Variants in GSDME observed in about 807,000 individuals in gnomAD.
The protein encoded by GSDME is gasdermin E, also known as gasdermin-E.
Under a neutral mutation model 47.5 loss-of-function variants are expected in GSDME, and 44 were observed. The ratio of observed to expected loss-of-function variants is 0.93; its 90% CI spans 0.73 to 1.19. GSDME has a LOEUF of 1.19. Among genes scored for constraint, GSDME ranks in the 50% most tolerant of loss-of-function variants. The probability of loss-of-function intolerance (pLI) is 0.00; values close to 1 mark genes in which losing one functional copy is unlikely to be tolerated. For synonymous variants in GSDME, 258 were observed against 252.8 expected, an observed-to-expected ratio of 1.02 and a Z score of -0.20; for missense variants, 663 against 604.2, an observed-to-expected ratio of 1.10 and a Z score of -1.02.
chr7:24,795,398 G>T, the GSDME span, among the ~76,000 whole-genome samples: 1 of 152,148 alleles, frequency 6.6e-6, no homozygotes, highest in African/African-American at 2.4e-5. Flanking sequence ...CCGAGTTGAG[G>T]AAGGAAAGGG....
the GSDME span, among the ~76,000 whole-genome samples, chr7:24,794,466 G>C: frequency 1.3e-5 from 2 of 152,222 alleles, no homozygotes; most frequent in African/African-American, 4.8e-5. Flanking sequence ...TACTACTGCT[G>C]CCTGTCTTCT....
At chr7:24,713,250 G>T (rs780168035) in intron 5 of GSDME, among the ~76,000 whole-genome samples, 2 of 152,052 alleles carry the variant, frequency 1.3e-5, no homozygotes, top group Non-Finnish European at 2.9e-5. Flanking sequence ...GTCCTGTGTC[G>T]GGAGACACGG....
the GSDME span, among the ~76,000 whole-genome samples, chr7:24,787,997 A>T: frequency 6.6e-6 from 1 of 152,142 alleles, no homozygotes; most frequent in Non-Finnish European, 1.5e-5. The surrounding 1 kb of genome is among the most constrained non-coding windows in gnomAD (Gnocchi z 5.0). Context: ...GAGCCACCAC[A>T]CTGGCCAAAG....
At chr7:24,792,076 A>G in the GSDME span, among the ~76,000 whole-genome samples, 2 of 152,236 alleles carry the variant, frequency 1.3e-5, no homozygotes, top group African/African-American at 4.8e-5. Context: ...AAAGGGGACA[A>G]TCTGGGCCTC....
chr7:24,744,536 C>T lies in GSDME; in HGVS notation c.404+26G>A, dbSNP rs769814075. 11 of 1,613,682 alleles carry T rather than the reference C, an allele frequency of 6.8e-6. No individual in the cohort carries two copies. In the South Asian group the frequency reaches 1.1e-4, roughly 16 times the overall value. On this transcript the variant is annotated intron_variant, in intron 3 of 9. Transcript: ENST00000645220. The surrounding 1 kb of genome is among the most constrained non-coding windows in gnomAD (Gnocchi z 4.5). ...CTTTAAATGTGAGATGTGTCAAAAT[C>T]CAAAATGCCAAACAAGTCTCCTTAC... is the stretch of plus-strand genomic sequence containing the variant.
At chr7:24,788,410 G>C in the GSDME span, among the ~76,000 whole-genome samples, 1,085 of 2,362 alleles carry the variant, frequency 0.46, 9 homozygotes, top group Middle Eastern at 0.5. The surrounding 1 kb of genome is among the most constrained non-coding windows in gnomAD (Gnocchi z 4.6). Context: ...AGGAGCTCCA[G>C]CTACTGGCTG....
the GSDME span, among the ~76,000 whole-genome samples, chr7:24,776,602 T>A: frequency 6.6e-6 from 1 of 152,230 alleles, no homozygotes; most frequent in African/African-American, 2.4e-5. Context: ...TTATGTCATT[T>A]AAAAATTCGA....
At position 24,714,573 on chromosome 7, in the gene GSDME, C is replaced by A. The variant is rs528785049; in HGVS notation, c.697+2681G>T. Reference sequence around the variant, plus strand: ...GATCCAGAACGAGCCAAGGGAAGGCCGAGATATCCCCAGGGTACCTCTTCT... The same window carrying A: ...GATCCAGAACGAGCCAAGGGAAGGCAGAGATATCCCCAGGGTACCTCTTCT... On this transcript the variant is annotated intron_variant, in intron 5 of 9. Coordinates refer to ENST00000645220, the MANE Select transcript of GSDME (RefSeq NM_001127453.2). The surrounding 1 kb of genome is among the most constrained non-coding windows in gnomAD (Gnocchi z 5.0). 1.3e-5 allele frequency among the ~76,000 whole-genome samples: 2 copies of A among 152,070 alleles called. No individual in the cohort carries two copies. The highest frequency in any genetic ancestry group is 2.9e-5 in the Non-Finnish European group (2 of 68,016).
intron 9 of GSDME, among the ~76,000 whole-genome samples, chr7:24,701,476 A>G (rs192321721): frequency 2.1e-3 from 324 of 151,702 alleles, no homozygotes; most frequent in African/African-American, 7.4e-3. Flanking sequence ...AAGGGGTTAG[A>G]TAACAGTTAG....
At chr7:24,786,126 T>G in the GSDME span, among the ~76,000 whole-genome samples, 3 of 152,194 alleles carry the variant, frequency 2.0e-5, no homozygotes, top group African/African-American at 7.2e-5. This position sits in a 1 kb window ranked among gnomAD's most constrained non-coding sequence, Gnocchi z 5.5. Context: ...AGAGCTTTAA[T>G]GATAATCTGT....
intron 5 of GSDME, chr7:24,710,644 G>A: frequency 4.0e-6 from 2 of 494,368 alleles, no homozygotes; most frequent in Non-Finnish European, 7.3e-6. Context: ...TGAACAGGCT[G>A]GACACAATCT....
At chr7:24,755,323 C>T (rs567671302) in intron 1 of GSDME, among the ~76,000 whole-genome samples, 1 of 152,324 alleles carries the variant, frequency 6.6e-6, no homozygotes, top group East Asian at 1.9e-4. Context: ...CAATCATTAG[C>T]AGTCCTAATG....
At chr7:24,783,608 C>A in the GSDME span, among the ~76,000 whole-genome samples, 1 of 152,234 alleles carries the variant, frequency 6.6e-6, no homozygotes, top group Non-Finnish European at 1.5e-5. Flanking sequence ...ATGATATGAC[C>A]TGATTTTAGA....
rs916889554 is a variant in GSDME at position 24,714,254 on chromosome 7, T to G, written c.697+3000A>C. Reference sequence around the variant, plus strand: ...ACCTGGCCGGGATACAGATGGAGTCTGCCTCCCTTCGAGGTTTCAAAGGAC... The same window carrying G: ...ACCTGGCCGGGATACAGATGGAGTCGGCCTCCCTTCGAGGTTTCAAAGGAC... On this transcript the variant is annotated intron_variant, in intron 5 of 9. Coordinates refer to ENST00000645220, the MANE Select transcript of GSDME (RefSeq NM_001127453.2). The surrounding 1 kb of genome is among the most constrained non-coding windows in gnomAD (Gnocchi z 5.0). Among the ~76,000 whole-genome samples, 17 of 152,192 alleles carry G rather than the reference T, an allele frequency of 1.1e-4. No individual in the cohort carries two copies. The highest frequency in any genetic ancestry group is 4.1e-4 in the African/African-American group (17 of 41,442).
At chr7:24,729,363 T>C (rs1057309846) in intron 3 of GSDME, among the ~76,000 whole-genome samples, 1 of 152,236 alleles carries the variant, frequency 6.6e-6, no homozygotes, top group Non-Finnish European at 1.5e-5. Flanking sequence ...AGAATAAAGA[T>C]AAACCAATTA....
chr7:24,760,086 G>C (rs1275133874), upstream of GSDME, among the ~76,000 whole-genome samples: 1 of 152,166 alleles, frequency 6.6e-6, no homozygotes, highest in Non-Finnish European at 1.5e-5. The surrounding 1 kb of genome is among the most constrained non-coding windows in gnomAD (Gnocchi z 4.2). Flanking sequence ...CAATTGGAGT[G>C]GTCCTAATGA....
chr7:24,740,403 A>C (rs1446529424), intron 3 of GSDME, among the ~76,000 whole-genome samples: 1 of 152,092 alleles, frequency 6.6e-6, no homozygotes, highest in East Asian at 1.9e-4. Flanking sequence ...AGAATGAATA[A>C]AATCTAGTAT....
rs116661907 is a variant in GSDME at position 24,747,652 on chromosome 7, C to A, written c.211+1912G>T. ...AAAATGCACATAAAAATGCTCATTG[C>A]AGCCTTACTTATTAATCATTTTTTT... is the stretch of plus-strand genomic sequence containing the variant. On this transcript the variant is annotated intron_variant, in intron 2 of 9. Transcript: ENST00000645220. 6.7e-3 allele frequency among the ~76,000 whole-genome samples: 1,014 copies of A among 151,970 alleles called. 10 individuals carry two copies. The highest frequency in any genetic ancestry group is 0.023 in the African/African-American group (970 of 41,508).
At position 24,721,412 on chromosome 7, in the gene GSDME, C is replaced by G. The variant is rs1789781463; in HGVS notation, c.405-2194G>C. 6.6e-6 allele frequency among the ~76,000 whole-genome samples: 1 copy of G among 152,214 alleles called. No homozygotes were observed. ...TCCATTTCCAGGAAGGAACAGGAAA[C>G]AGGGACCCTGGAGCCTGCAGGGCTG... On this transcript the variant is annotated intron_variant, in intron 3 of 9. Transcript: ENST00000645220. The surrounding 1 kb of genome is among the most constrained non-coding windows in gnomAD (Gnocchi z 4.1).
Sources: gnomAD v4.1 joint callset for allele counts (sites outside exome capture counted in the v4.1 genomes callset) on GRCh38, gnomAD v4.1.1 for gene constraint, Gnocchi (gnomAD v3.1) non-coding constraint, MANE v1.5 for transcripts, NCBI Gene and HGNC (gene_info 2026-07-23, HGNC 2026-07-21) for gene names.